CTNNA2: variants seen among roughly 807,000 people sequenced by gnomAD.
The protein encoded by CTNNA2 is catenin alpha 2, also known as catenin alpha-2.
CTNNA2 carries 42 observed loss-of-function variants against 101.0 expected under a neutral mutation model. The ratio of observed to expected loss-of-function variants is 0.42; its 90% CI spans 0.32 to 0.54. The LOEUF (loss-of-function observed/expected upper bound fraction) is 0.54, where lower values mean the gene tolerates loss of function less well. CTNNA2 is among the 20% of genes least tolerant of loss of function. CTNNA2 has a pLI of 0.14. For synonymous variants in CTNNA2, 450 were observed against 456.4 expected (o/e 0.99, Z 0.18); for missense variants, 871 against 1,223.1 (o/e 0.71, Z 4.29).
intron 7 of CTNNA2, among the ~76,000 whole-genome samples, chr2:80,201,675 A>G (rs1707224283): frequency 6.6e-6 from 1 of 152,066 alleles, no homozygotes; most frequent in South Asian, 2.1e-4. Context: ...GTGCCCGGCC[A>G]CAATAATTCT....
chr2:79,521,548 T>C (rs541899922), intron 1 of CTNNA2, among the ~76,000 whole-genome samples: 97 of 152,144 alleles, frequency 6.4e-4, no homozygotes, highest in Non-Finnish European at 1.1e-3. Context: ...TTAGACTAAA[T>C]CAGGATTTAC....
At chr2:80,002,189 T>A (rs2103965793) in intron 7 of CTNNA2, among the ~76,000 whole-genome samples, 1 of 152,332 alleles carries the variant, frequency 6.6e-6, no homozygotes, top group African/African-American at 2.4e-5. Context: ...TTCACTTTCT[T>A]AGTTAAGGAC....
intron 7 of CTNNA2, chr2:80,313,515 A>T (rs756995493): frequency 6.9e-6 from 11 of 1,591,546 alleles, no homozygotes; most frequent in Non-Finnish European, 9.4e-6. Flanking sequence ...AGATTTTTCT[A>T]GCTAATTGAG....
At chr2:80,185,533 G>A (rs958500193) in intron 7 of CTNNA2, among the ~76,000 whole-genome samples, 5 of 152,156 alleles carry the variant, frequency 3.3e-5, no homozygotes, top group African/African-American at 9.7e-5. Flanking sequence ...AATGTTATGA[G>A]GGTTTAATGT....
At chr2:79,388,998 C>T (rs934890726) in intron 4 of CTNNA2, among the ~76,000 whole-genome samples, 1 of 152,112 alleles carries the variant, frequency 6.6e-6, no homozygotes, top group Admixed American at 6.6e-5. Flanking sequence ...TGGGGTTACA[C>T]AGTGCACAGA....
chr2:79,987,111 C>G (rs906040139), intron 7 of CTNNA2, among the ~76,000 whole-genome samples: 3 of 152,182 alleles, frequency 2.0e-5, no homozygotes, highest in African/African-American at 4.8e-5. Flanking sequence ...GAAGCTGTCT[C>G]TCTTCCAAAA....
intron 7 of CTNNA2, among the ~76,000 whole-genome samples, chr2:80,376,734 C>G (rs532705647): frequency 6.6e-6 from 1 of 152,288 alleles, no homozygotes; most frequent in Non-Finnish European, 1.5e-5. Flanking sequence ...CGAGGACTCC[C>G]CATCAGTGTG....
intron 7 of CTNNA2, among the ~76,000 whole-genome samples, chr2:80,184,064 T>TATA (rs146921769): frequency 0.012 from 1,817 of 151,114 alleles, 46 homozygotes; most frequent in African/African-American, 0.041. Context: ...CATTGTAGGC[T>TATA]ATAATAATAA....
chr2:79,915,914 G>A (rs189846191), intron 7 of CTNNA2, among the ~76,000 whole-genome samples: 6 of 152,270 alleles, frequency 3.9e-5, no homozygotes, highest in South Asian at 2.1e-4. Context: ...GAAACCTTCC[G>A]AAGGGACTGT....
chr2:79,591,687 C>T (rs952160169), intron 1 of CTNNA2, among the ~76,000 whole-genome samples: 3 of 152,048 alleles, frequency 2.0e-5, no homozygotes, highest in Non-Finnish European at 2.9e-5. Context: ...CCCAGAAGAC[C>T]AACAGTTCTG....
chr2:79,448,733 C>T (rs564064369), intron 4 of CTNNA2, among the ~76,000 whole-genome samples: 3 of 152,132 alleles, frequency 2.0e-5, no homozygotes, highest in African/African-American at 7.2e-5. Context: ...CTTTAGTTCT[C>T]GTGACAGGTC....
intron 9 of CTNNA2, among the ~76,000 whole-genome samples, chr2:80,430,542 A>G (rs2050685663): frequency 6.6e-6 from 1 of 152,166 alleles, no homozygotes; most frequent in African/African-American, 2.4e-5. Flanking sequence ...ATTCATATTT[A>G]TAAATATTAA....
chr2:80,543,893 T>G (rs903001350), intron 9 of CTNNA2, among the ~76,000 whole-genome samples: 3 of 152,160 alleles, frequency 2.0e-5, no homozygotes, highest in African/African-American at 7.2e-5. Context: ...ACTTGTTCTG[T>G]TTGCTCCATA....
intron 7 of CTNNA2, among the ~76,000 whole-genome samples, chr2:80,343,420 A>C (rs1171283859): frequency 6.6e-6 from 1 of 151,702 alleles, no homozygotes; most frequent in Non-Finnish European, 1.5e-5. Context: ...AAAAAAAAAA[A>C]AAAACACATA....
intron 2 of CTNNA2, among the ~76,000 whole-genome samples, chr2:79,691,766 A>G (rs1295319498): frequency 2.0e-5 from 3 of 152,160 alleles, no homozygotes; most frequent in African/African-American, 7.2e-5. Context: ...AAAACAAGCA[A>G]TGAGAAATGG....
At chr2:80,333,975 G>C (rs111366219) in intron 7 of CTNNA2, among the ~76,000 whole-genome samples, 7 of 152,140 alleles carry the variant, frequency 4.6e-5, no homozygotes, top group African/African-American at 1.7e-4. Flanking sequence ...GCACTGCAGT[G>C]CTCCCTGCAC....
At chr2:80,219,449 A>G (rs924405227) in intron 7 of CTNNA2, among the ~76,000 whole-genome samples, 1 of 152,182 alleles carries the variant, frequency 6.6e-6, no homozygotes, top group African/African-American at 2.4e-5. Context: ...CATTTGATTC[A>G]ACCTCTTTGA....
chr2:79,785,264 G>T (rs1176958314), intron 3 of CTNNA2, among the ~76,000 whole-genome samples: 1 of 152,126 alleles, frequency 6.6e-6, no homozygotes, highest in Non-Finnish European at 1.5e-5. Flanking sequence ...CTGTTCTGTT[G>T]TACTGTGCTT....
At chr2:80,018,966 A>G (rs1558733357) in intron 7 of CTNNA2, among the ~76,000 whole-genome samples, 1 of 152,172 alleles carries the variant, frequency 6.6e-6, no homozygotes, top group African/African-American at 2.4e-5. Context: ...GTTCAAATGA[A>G]AAAATAAGGA....
Sources: allele counts gnomAD v4.1 joint callset (sites outside exome capture counted in the v4.1 genomes callset), GRCh38; gene constraint gnomAD v4.1.1; transcripts MANE v1.5; gene names NCBI Gene and HGNC (gene_info 2026-07-23, HGNC 2026-07-21).